The following RUNX2 variants were observed in gnomAD, a reference collection of about 807,000 sequenced individuals.
RUNX2 encodes the protein runt-related transcription factor 2.
Under a neutral mutation model 51.7 loss-of-function variants are expected in RUNX2, and 10 were observed. The observed-to-expected ratio is 0.19, with a 90% CI of 0.12 to 0.33. RUNX2 has a LOEUF of 0.33. Ranked by LOEUF, RUNX2 falls within the 10% of genes least tolerant of loss-of-function variation. The pLI is 1.00. For missense variants in RUNX2, 562 were observed against 691.3 expected, an observed-to-expected ratio of 0.81 and a Z score of 2.10; for synonymous variants, 276 against 273.6, an observed-to-expected ratio of 1.01 and a Z score of -0.09.
At chr6:45,429,885 G>A (rs1225180765) in intron 3 of RUNX2, among the ~76,000 whole-genome samples, 1 of 152,104 alleles carries the variant, frequency 6.6e-6, no homozygotes, top group African/African-American at 2.4e-5. Flanking sequence ...CCTGAGGTCA[G>A]GGGTTCAAGA....
In RUNX2 at chr6:45,380,237, G is replaced by C. The variant is rs73735400; in HGVS notation, c.59-42356G>C. 3.6e-3 allele frequency among the ~76,000 whole-genome samples: 555 copies of C among 152,328 alleles called. 4 individuals carry two copies. Among genetic ancestry groups the C allele is most frequent in the African/African-American group, 0.013 (527 of 41,584 alleles). On this transcript the variant is annotated intron_variant, in intron 2 of 8. Coordinates refer to ENST00000647337, the MANE Select transcript of RUNX2 (RefSeq NM_001024630.4). ...CAGCGAAGCTGTTGCTGAAGTTAAG[G>C]CTTTGATGACTACCACCTCTCAGAA... is the stretch of plus-strand genomic sequence containing the variant.
intron 5 of RUNX2, among the ~76,000 whole-genome samples, chr6:45,484,680 T>G (rs1407022838): frequency 6.6e-6 from 1 of 152,172 alleles, no homozygotes; most frequent in African/African-American, 2.4e-5. Flanking sequence ...AACCATCGAC[T>G]GAACTCCCTA....
chr6:45,336,359 T>C (rs951289217), intron 2 of RUNX2, among the ~76,000 whole-genome samples: 2 of 151,384 alleles, frequency 1.3e-5, no homozygotes, highest in African/African-American at 4.8e-5. Context: ...TGTACACCAA[T>C]AGGACTAGAG....
chr6:45,420,118 G>C (rs2150360553), intron 2 of RUNX2, among the ~76,000 whole-genome samples: 1 of 152,218 alleles, frequency 6.6e-6, no homozygotes, highest in Middle Eastern at 3.4e-3. Flanking sequence ...CCTCGAGAGC[G>C]CACACCTGGC....
chr6:45,366,602 CT>C (rs1362788538), intron 2 of RUNX2, among the ~76,000 whole-genome samples: 1 of 152,144 alleles, frequency 6.6e-6, no homozygotes, highest in African/African-American at 2.4e-5. Context: ...ATGTATTACC[CT>C]TTTTTTCACA....
rs1464288967 is a variant in RUNX2, at chr6:45,548,390, A to C, written c.*1085A>C. The C allele has an allele frequency of 6.6e-6, 1 of 152,612 alleles. No homozygotes were observed. The highest frequency in any genetic ancestry group is 2.4e-5 in the African/African-American group (1 of 41,438). 9.5% of individuals were successfully genotyped at this position (152,612 alleles called of 1,614,324 possible). A position where few individuals can be genotyped will look rare whatever the true frequency, so the allele number is the denominator to read the frequency against. Reference sequence around the variant, plus strand: ...CAATGTGATTTTAAAAAATACTTCCATCTCCAAATATTTTAGATATAGATT... The same window carrying C: ...CAATGTGATTTTAAAAAATACTTCCCTCTCCAAATATTTTAGATATAGATT... On this transcript the variant is annotated 3_prime_UTR_variant, in exon 9 of 9. Transcript: ENST00000647337.
intron 2 of RUNX2, among the ~76,000 whole-genome samples, chr6:45,355,182 A>C (rs913084936): frequency 6.6e-6 from 1 of 150,610 alleles, no homozygotes; most frequent in Non-Finnish European, 1.5e-5. Flanking sequence ...GACTGGTCTT[A>C]AACTCCTGGG....
rs191450799 is a variant in RUNX2, at chr6:45,368,365, T to C, written c.58+39581T>C. 8.5e-4 allele frequency among the ~76,000 whole-genome samples: 130 copies of C among 152,256 alleles called. 3 individuals are homozygous for C. In the South Asian group the frequency reaches 0.023, roughly 26 times the overall value. On this transcript the variant is annotated intron_variant, in intron 2 of 8. Transcript: ENST00000647337. ...AAAACTGTGTTCCAGAGAAGAAAAATTGGCATTTACCTTTCAATTTAAAAT... is the reference window on the plus strand; with the variant it reads ...AAAACTGTGTTCCAGAGAAGAAAAACTGGCATTTACCTTTCAATTTAAAAT...
intron 2 of RUNX2, among the ~76,000 whole-genome samples, chr6:45,353,412 T>C (rs1312385554): frequency 6.6e-6 from 1 of 151,960 alleles, no homozygotes. Context: ...TAAGAAGCTA[T>C]AATAACTAAA....
At chr6:45,398,785 T>C (rs533105962) in intron 2 of RUNX2, among the ~76,000 whole-genome samples, 77 of 152,382 alleles carry the variant, frequency 5.1e-4, no homozygotes, top group Non-Finnish European at 8.5e-4. Flanking sequence ...GCATGTGCTC[T>C]AATACAACTC....
chr6:45,457,999 G>A (rs1381589622), intron 5 of RUNX2, among the ~76,000 whole-genome samples: 1 of 150,864 alleles, frequency 6.6e-6, no homozygotes, highest in African/African-American at 2.5e-5. Flanking sequence ...CTAATCAAAT[G>A]CAATGATAAA....
chr6:45,391,469 C>T (rs1253150001), intron 2 of RUNX2, among the ~76,000 whole-genome samples: 1 of 152,152 alleles, frequency 6.6e-6, no homozygotes, highest in Non-Finnish European at 1.5e-5. Context: ...CCAATTAAAC[C>T]TTTTTTCTTT....
At chr6:45,530,558 T>C (rs1801810750) in intron 7 of RUNX2, among the ~76,000 whole-genome samples, 1 of 152,248 alleles carries the variant, frequency 6.6e-6, no homozygotes, top group Non-Finnish European at 1.5e-5. Context: ...CAGTGGACTC[T>C]GGCAGCTTAT....
chr6:45,356,429 A>G (rs904036902), intron 2 of RUNX2, among the ~76,000 whole-genome samples: 2 of 151,552 alleles, frequency 1.3e-5, no homozygotes, highest in African/African-American at 4.9e-5. Flanking sequence ...ACAGAGTCTC[A>G]CTCTGTCACC....
intron 7 of RUNX2, among the ~76,000 whole-genome samples, chr6:45,521,192 T>A (rs368456847): frequency 1.9e-3 from 295 of 151,980 alleles, no homozygotes; most frequent in African/African-American, 6.3e-3. Context: ...AAGAAGATTT[T>A]AAAAAAAAGA....
At chr6:45,527,158 A>C (rs1801695575) in intron 7 of RUNX2, among the ~76,000 whole-genome samples, 1 of 152,190 alleles carries the variant, frequency 6.6e-6, no homozygotes. Context: ...GCAAGGGCCC[A>C]GAGGTGGGAA....
At chr6:45,337,245 A>C (rs753566056) in intron 2 of RUNX2, among the ~76,000 whole-genome samples, 1 of 151,748 alleles carries the variant, frequency 6.6e-6, no homozygotes, top group Non-Finnish European at 1.5e-5. Context: ...CTATTTTGCA[A>C]TTATAATGTG....
At chr6:45,346,273 C>T (rs1581761920) in intron 2 of RUNX2, among the ~76,000 whole-genome samples, 1 of 151,982 alleles carries the variant, frequency 6.6e-6, no homozygotes, top group East Asian at 1.9e-4. Context: ...TTTTAAATTG[C>T]AAAATCCATT....
At chr6:45,539,186 G>A (rs1364336200) in intron 7 of RUNX2, among the ~76,000 whole-genome samples, 1 of 145,164 alleles carries the variant, frequency 6.9e-6, no homozygotes, top group East Asian at 1.9e-4. Flanking sequence ...TTTAAGGAAT[G>A]GCTGAATTTT....
Sources: gnomAD v4.1 joint callset for allele counts (sites outside exome capture counted in the v4.1 genomes callset) on GRCh38, gnomAD v4.1.1 for gene constraint, MANE v1.5 for transcripts, NCBI Gene and HGNC (gene_info 2026-07-23, HGNC 2026-07-21) for gene names.